Variants in FER observed in about 807,000 individuals in gnomAD.
The protein encoded by FER is tyrosine-protein kinase Fer.
In FER, 63 loss-of-function variants were observed where a neutral mutation model predicts 111.0. The ratio of observed to expected loss-of-function variants is 0.57; its 90% CI spans 0.46 to 0.70. The LOEUF (loss-of-function observed/expected upper bound fraction) is 0.70, where lower values mean the gene tolerates loss of function less well. Ranked by LOEUF, FER falls within the 30% of genes least tolerant of loss-of-function variation. FER has a pLI of 0.00. For synonymous variants in FER, 327 were observed against 313.9 expected (o/e 1.04, Z -0.44); for missense variants, 914 against 954.0 (o/e 0.96, Z 0.55).
intron 10 of FER, among the ~76,000 whole-genome samples, chr5:108,923,102 G>A (rs1217645547): frequency 6.6e-6 from 1 of 151,986 alleles, no homozygotes; most frequent in Non-Finnish European, 1.5e-5. Flanking sequence ...AATGTGGGGA[G>A]TTAAATGAGA....
At chr5:109,064,525 T>C (rs1466977354) in intron 16 of FER, among the ~76,000 whole-genome samples, 44 of 152,216 alleles carry the variant, frequency 2.9e-4, no homozygotes, top group Admixed American at 2.9e-3. Flanking sequence ...CAAGGGATTT[T>C]TTTCTATTAA....
intron 1 of FER, among the ~76,000 whole-genome samples, chr5:108,762,146 G>C (rs6889550): frequency 0.44 from 66,996 of 151,796 alleles, 16,910 homozygotes; most frequent in African/African-American, 0.7. Flanking sequence ...AACTCCTTAC[G>C]TCAGGCAATC....
At chr5:108,935,468 A>G (rs1755330805) in intron 10 of FER, among the ~76,000 whole-genome samples, 1 of 152,096 alleles carries the variant, frequency 6.6e-6, no homozygotes, top group Admixed American at 6.6e-5. Context: ...CCTTGACTTA[A>G]TTAAATCTGC....
intron 5 of FER, among the ~76,000 whole-genome samples, chr5:108,864,852 G>T (rs953883998): frequency 6.6e-6 from 1 of 151,960 alleles, no homozygotes; most frequent in South Asian, 2.1e-4. Flanking sequence ...CTCTTTTTTG[G>T]TTCCATATGA....
chr5:108,993,275 G>C (rs1182914712), intron 13 of FER, among the ~76,000 whole-genome samples: 1 of 152,208 alleles, frequency 6.6e-6, no homozygotes, highest in African/African-American at 2.4e-5. Flanking sequence ...ACGAGACTCT[G>C]TCTGCAATCC....
chr5:109,074,593 T>G (rs561075634), intron 16 of FER, among the ~76,000 whole-genome samples: 4 of 152,198 alleles, frequency 2.6e-5, no homozygotes, highest in Non-Finnish European at 5.9e-5. Context: ...ATTAATACAG[T>G]AATGAATTTT....
At chr5:108,959,498 A>T (rs995298830) in intron 13 of FER, 151 bp downstream of exon 13, 8 of 645,884 alleles carry the variant, frequency 1.2e-5, no homozygotes, top group Non-Finnish European at 1.9e-5. Context: ...TACTAATGCA[A>T]TTGAAACATG....
At chr5:109,164,544 G>T (rs1379250277) in intron 17 of FER, among the ~76,000 whole-genome samples, 1 of 152,034 alleles carries the variant, frequency 6.6e-6, no homozygotes, top group African/African-American at 2.4e-5. Flanking sequence ...ATTGAATTGT[G>T]TTTCTTTTAT....
intron 16 of FER, among the ~76,000 whole-genome samples, chr5:109,058,402 AAT>A (rs1561839276): frequency 1.3e-5 from 2 of 152,152 alleles, no homozygotes; most frequent in Non-Finnish European, 2.9e-5. Context: ...TAATTGTTTG[AAT>A]ATGTTTTCTT....
At chr5:108,866,937 T>C (rs570513068) in intron 5 of FER, among the ~76,000 whole-genome samples, 116 of 152,320 alleles carry the variant, frequency 7.6e-4, no homozygotes, top group African/African-American at 2.7e-3. Flanking sequence ...TTTTAACTCA[T>C]AACATTATCA....
In FER at chr5:109,188,420, TGAAACGTCG is replaced by T. The variant is rs1759115947; in HGVS notation, c.*846_*854del. ...AAAAAAGAAACACACACACAACGCATGAAACGTCGTCAAAGTTAGAGTTGAGGCAGTTGC... is the reference window on the plus strand; with the variant it reads ...AAAAAAGAAACACACACACAACGCATTCAAAGTTAGAGTTGAGGCAGTTGC... On this transcript the variant is annotated 3_prime_UTR_variant, in exon 20 of 20. Transcript: ENST00000281092. 1.4e-5 allele frequency: 2 copies of T among 147,898 alleles called. No homozygotes were observed. Among genetic ancestry groups the T allele is most frequent in the Non-Finnish European group, 3.0e-5 (2 of 67,288 alleles). The allele number at this position is 147,898 out of a possible 1,614,324, so 9.2% of individuals were successfully genotyped here.
chr5:108,953,463 A>G (rs1758024489), intron 11 of FER, among the ~76,000 whole-genome samples: 1 of 152,058 alleles, frequency 6.6e-6, no homozygotes, highest in East Asian at 1.9e-4. Flanking sequence ...GGAAGAAGTA[A>G]GAATCAGAAT....
chr5:109,189,023 C>G lies in FER; in HGVS notation c.*1448C>G, dbSNP rs1299898673. On this transcript the variant is annotated 3_prime_UTR_variant, in exon 20 of 20. Coordinates refer to ENST00000281092, the MANE Select transcript of FER (RefSeq NM_005246.4). ...TGACATAGGGACAGCCCTCCCATTT[C>G]TACTTCCACCTTCATTGACCATTAT... The G allele has an allele frequency of 6.6e-6, 1 of 152,202 alleles. No individual in the cohort carries two copies. The highest frequency in any genetic ancestry group is 1.5e-5 in the Non-Finnish European group (1 of 68,044). The allele number at this position is 152,202 out of a possible 1,614,324, so 9.4% of individuals were successfully genotyped here. A position where few individuals can be genotyped will look rare whatever the true frequency, so the allele number is the denominator to read the frequency against.
chr5:109,045,657 C>T (rs191665933), intron 15 of FER, among the ~76,000 whole-genome samples: 36 of 152,236 alleles, frequency 2.4e-4, no homozygotes, highest in Non-Finnish European at 4.3e-4. Context: ...TACTATTAAA[C>T]GTCAACTCTT....
At chr5:108,940,026 C>A (rs953899878) in intron 10 of FER, among the ~76,000 whole-genome samples, 4 of 151,944 alleles carry the variant, frequency 2.6e-5, no homozygotes, top group African/African-American at 9.7e-5. Flanking sequence ...AATACAAAAC[C>A]CATAAAACTT....
At position 109,194,573 on chromosome 5, in the gene FER, C is replaced by G. The variant is rs1271391101; in HGVS notation, c.*6998C>G. On this transcript the variant is annotated 3_prime_UTR_variant, in exon 20 of 20. Transcript: ENST00000281092. ...ACCAAAGAAGACAATAGAAATCCCACTTTACCCCACTGTCATCAGTTAGAA... is the reference window on the plus strand; with the variant it reads ...ACCAAAGAAGACAATAGAAATCCCAGTTTACCCCACTGTCATCAGTTAGAA... 6.6e-6 allele frequency: 1 copy of G among 152,218 alleles called. No homozygotes were observed. Among genetic ancestry groups the G allele is most frequent in the Non-Finnish European group, 1.5e-5 (1 of 68,042 alleles). 9.4% of individuals were successfully genotyped at this position (152,218 alleles called of 1,614,324 possible). A position where few individuals can be genotyped will look rare whatever the true frequency, so the allele number is the denominator to read the frequency against.
At chr5:108,798,448 A>C in intron 3 of FER, 59 bp downstream of exon 3, 1 of 1,309,850 alleles carries the variant, frequency 7.6e-7, no homozygotes. Context: ...CTTAAAATGC[A>C]ATAGCTCAAA....
At chr5:109,082,447 T>C (rs952471149) in intron 16 of FER, among the ~76,000 whole-genome samples, 6 of 152,054 alleles carry the variant, frequency 3.9e-5, no homozygotes, top group African/African-American at 1.4e-4. Flanking sequence ...ATAAAATACA[T>C]GGATTTGAGA....
At chr5:108,961,119 A>C (rs1759091855) in intron 13 of FER, among the ~76,000 whole-genome samples, 1 of 152,188 alleles carries the variant, frequency 6.6e-6, no homozygotes, top group Admixed American at 6.5e-5. Context: ...TTAATTATTC[A>C]TGTGGAAGTA....
Sources: gnomAD v4.1 joint callset for allele counts (sites outside exome capture counted in the v4.1 genomes callset) on GRCh38, gnomAD v4.1.1 for gene constraint, MANE v1.5 for transcripts, NCBI Gene and HGNC (gene_info 2026-07-23, HGNC 2026-07-21) for gene names.